The following TNXB variants were observed in gnomAD, a reference collection of about 807,000 sequenced individuals.
TNXB encodes the protein tenascin-X.
In TNXB, 183 loss-of-function variants were observed where a neutral mutation model predicts 340.5. The ratio of observed to expected loss-of-function variants is 0.54; its 90% confidence interval spans 0.48 to 0.61. TNXB has a LOEUF of 0.61. TNXB is among the 20% of genes least tolerant of loss of function. The pLI, the probability that TNXB is intolerant of heterozygous loss-of-function variation, is 0.00. For missense variants in TNXB, 4,613 were observed against 5,446.4 expected (o/e 0.85, Z 4.82); for synonymous variants, 2,121 against 2,314.5 (o/e 0.92, Z 2.40).
rs986487924 is a variant in TNXB, at chr6:32,074,161, C to A, written c.4376-209G>T. On this transcript the variant is annotated intron_variant, in intron 11 of 43. Transcript: ENST00000644971. This position sits in a 1 kb window ranked among gnomAD's most constrained non-coding sequence, Gnocchi z 5.5. Reference sequence around the variant, plus strand: ...CCTCCCAAGTAGCTGGGACTACAGGCGTGCGCCACCATGCCTGCCTAATTT... The same window carrying A: ...CCTCCCAAGTAGCTGGGACTACAGGAGTGCGCCACCATGCCTGCCTAATTT... Among the ~76,000 whole-genome samples the A allele has an allele frequency of 6.6e-6, 1 of 152,120 alleles. No individual in the cohort carries two copies. Among genetic ancestry groups the A allele is most frequent in the Non-Finnish European group, 1.5e-5 (1 of 68,006 alleles).
chr6:32,094,294 G>GA (rs772260386), intron 4 of TNXB, among the ~76,000 whole-genome samples: 118 of 140,962 alleles, frequency 8.4e-4, no homozygotes, highest in Admixed American at 1.4e-3. Context: ...ATATTTAGGT[G>GA]AAAAAAAAAA....
At position 32,073,238 on chromosome 6, in the gene TNXB, A is replaced by G. The variant is rs974497343; in HGVS notation, c.4681+409T>C. On this transcript the variant is annotated intron_variant, in intron 12 of 43. Coordinates refer to ENST00000644971, the MANE Select transcript of TNXB (RefSeq NM_001365276.2). The surrounding 1 kb of genome is among the most constrained non-coding windows in gnomAD (Gnocchi z 4.6). ...GCAGAGGACTCCTGAGAAGGGACTCAGGATGTAAAGCACTTCGCCTCAACA... is the reference window on the plus strand; with the variant it reads ...GCAGAGGACTCCTGAGAAGGGACTCGGGATGTAAAGCACTTCGCCTCAACA... 1.3e-5 allele frequency among the ~76,000 whole-genome samples: 2 copies of G among 152,154 alleles called. No homozygotes were observed. Among genetic ancestry groups the G allele is most frequent in the African/African-American group, 2.4e-5 (1 of 41,434 alleles).
chr6:32,101,309 A>G (rs939323628), intron 1 of TNXB, among the ~76,000 whole-genome samples: 2 of 151,902 alleles, frequency 1.3e-5, no homozygotes, highest in African/African-American at 4.8e-5. Context: ...TTTTTTGTAG[A>G]GATGGAGTCT....
At position 32,069,786 on chromosome 6, in the gene TNXB, G is replaced by T; in HGVS notation, c.5354C>A (p.Thr1785Asn). ...GCCCACGGAGTTCTGGGTCACGGTG[G>T]TCACCTGCAGCTCCTCCCCCAGACG... ...KPRLGEELQV[T>N]TVTQNSVGLS... The change falls in exon 15 of 44, where the codon ACC (threonine) becomes AAC (asparagine). Residue 1785 changes from threonine (T) to asparagine (N), a missense_variant. This residue lies in a region of TNXB where 4,327 missense variants were observed against 4,859.4 expected (regional missense o/e 0.89). Coordinates refer to ENST00000644971, the MANE Select transcript of TNXB (RefSeq NM_001365276.2). This position sits in a 1 kb window ranked among gnomAD's most constrained non-coding sequence, Gnocchi z 6.2. 1 of 1,610,316 alleles carries T rather than the reference G, an allele frequency of 6.2e-7. No homozygotes were observed.
At chr6:32,086,237 T>C in intron 6 of TNXB, 119 bp from the exon 7 acceptor site, 2 of 1,230,428 alleles carry the variant, frequency 1.6e-6, no homozygotes, top group Non-Finnish European at 2.2e-6. Context: ...CTACTTCTGG[T>C]TCCCTCACCT....
At position 32,047,058 on chromosome 6, in the gene TNXB, G is replaced by A. The variant is rs1582340305; in HGVS notation, c.10325-602C>T. ...ACAGGGGATTAGCTGGGAGAACAGAGGGCAGAGCAGAGGCTTGCCCGGGTG... is the reference window on the plus strand; with the variant it reads ...ACAGGGGATTAGCTGGGAGAACAGAAGGCAGAGCAGAGGCTTGCCCGGGTG... On this transcript the variant is annotated intron_variant, in intron 30 of 43. Transcript: ENST00000644971. The surrounding 1 kb of genome is among the most constrained non-coding windows in gnomAD (Gnocchi z 6.2). Among the ~76,000 whole-genome samples the A allele has an allele frequency of 6.6e-6, 1 of 152,312 alleles. No homozygotes were observed. The highest frequency in any genetic ancestry group is 1.9e-4 in the East Asian group (1 of 5,178).
rs1780472803 is a variant in TNXB at position 32,097,348 on chromosome 6, C to T, written c.505G>A (p.Asp169Asn). The change falls in exon 3 of 44, where the codon GAC (aspartate) becomes AAC (asparagine). Residue 169 changes from aspartate (D) to asparagine (N), a missense_variant. Physicochemically the swap from Asp to Asn is conservative, Grantham distance 23 (BLOSUM62 1). Around this residue, in one of 7 missense-constraint regions of TNXB, gnomAD observed 4,327 missense variants for 4,859.4 expected, o/e 0.89. Transcript: ENST00000644971. The surrounding 1 kb of genome is among the most constrained non-coding windows in gnomAD (Gnocchi z 5.9). ...EPGWGGPTCS[D>N]PTDAEIPPSS... The stretch of plus-strand genomic sequence containing the variant: ...GGAGGGATCTCAGCATCTGTGGGGT[C>T]TGAGCAGGTGGGCCCACCCCAGCCT... 6.2e-7 allele frequency: 1 copy of T among 1,613,102 alleles called. No homozygotes were observed. The highest frequency in any genetic ancestry group is 8.5e-7 in the Non-Finnish European group (1 of 1,179,874).
At position 32,108,451 on chromosome 6, in the gene TNXB, T is replaced by G. The variant is rs1416815206; in HGVS notation, c.-9+730A>C. Among the ~76,000 whole-genome samples, 1 of 152,076 alleles carries G rather than the reference T, an allele frequency of 6.6e-6. No homozygotes were observed. Among genetic ancestry groups the G allele is most frequent in the African/African-American group, 2.4e-5 (1 of 41,398 alleles). On this transcript the variant is annotated intron_variant, in intron 1 of 43. Coordinates refer to ENST00000644971, the MANE Select transcript of TNXB (RefSeq NM_001365276.2). This position sits in a 1 kb window ranked among gnomAD's most constrained non-coding sequence, Gnocchi z 4.8. ...GCACAGAGTGAAGACGGAGCCCCTG[T>G]GCCCCCAGAGGCATCTCTCAGCCAT...
In TNXB at chr6:32,074,784, G is replaced by A. The variant is rs1333269067; in HGVS notation, c.4376-832C>T. ...CAACCTACGCCTCCTGGGTTCAAGCGATTCTCCTGCCTTAGCCTCCTGAGT... is the reference window on the plus strand; with the variant it reads ...CAACCTACGCCTCCTGGGTTCAAGCAATTCTCCTGCCTTAGCCTCCTGAGT... On this transcript the variant is annotated intron_variant, in intron 11 of 43. Transcript: ENST00000644971. This position sits in a 1 kb window ranked among gnomAD's most constrained non-coding sequence, Gnocchi z 5.5. Among the ~76,000 whole-genome samples, 1 of 152,112 alleles carries A rather than the reference G, an allele frequency of 6.6e-6. No homozygotes were observed. The highest frequency in any genetic ancestry group is 1.9e-4 in the East Asian group (1 of 5,188).
At position 32,052,405 on chromosome 6, in the gene TNXB, T is replaced by C. The variant is rs1159539414; in HGVS notation, c.9115+265A>G. On this transcript the variant is annotated intron_variant, in intron 26 of 43. Transcript: ENST00000644971. The surrounding 1 kb of genome is among the most constrained non-coding windows in gnomAD (Gnocchi z 4.7). Reference sequence around the variant, plus strand: ...GGCGGAGGTTCCAGTGAGCCGAGATTGAGCCACTGTACTCCAGCCTGGGTG... The same window carrying C: ...GGCGGAGGTTCCAGTGAGCCGAGATCGAGCCACTGTACTCCAGCCTGGGTG... Among the ~76,000 whole-genome samples, 1 of 151,172 alleles carries C rather than the reference T, an allele frequency of 6.6e-6. No individual in the cohort carries two copies. Among genetic ancestry groups the C allele is most frequent in the Non-Finnish European group, 1.5e-5 (1 of 67,862 alleles).
In TNXB at chr6:32,058,403, A is replaced by G; in HGVS notation, c.7493-13T>C. Reference sequence around the variant, plus strand: ...TCCTCTTGTGGGGCTGAAAGGTAATATAGGGGGATACAGAGTTTAAGGGTT... The same window carrying G: ...TCCTCTTGTGGGGCTGAAAGGTAATGTAGGGGGATACAGAGTTTAAGGGTT... On this transcript the variant is annotated splice_polypyrimidine_tract_variant and intron_variant, in intron 21 of 43. Coordinates refer to ENST00000644971, the MANE Select transcript of TNXB (RefSeq NM_001365276.2). The surrounding 1 kb of genome is among the most constrained non-coding windows in gnomAD (Gnocchi z 5.1). The G allele has an allele frequency of 6.3e-7, 1 of 1,579,900 alleles. No homozygotes were observed. Among genetic ancestry groups the G allele is most frequent in the South Asian group, 1.1e-5 (1 of 87,296 alleles).
rs779535569 is a variant in TNXB at position 32,095,952 on chromosome 6, C to T, written c.1901G>A (p.Gly634Glu). 5 of 1,613,006 alleles carry T rather than the reference C, an allele frequency of 3.1e-6. No individual in the cohort carries two copies. The East Asian group carries it at 1.1e-4, about 36-fold the overall frequency. ...GTAGCCTGGGTCGCACAGGCAGCGCCCTTCCTCACAGCGGCCCCTCCCGTG... is the reference window on the plus strand; with the variant it reads ...GTAGCCTGGGTCGCACAGGCAGCGCTCTTCCTCACAGCGGCCCCTCCCGTG... ...NCHGRGRCEE[G>E]RCLCDPGYTG... is the part of the protein sequence containing the mutation. Residue 634 changes from glycine to glutamate, a missense_variant, in exon 3 of 44, where the codon GGG becomes GAG. Physicochemically the swap from Gly to Glu is moderately conservative, Grantham distance 98. Around this residue, in one of 7 missense-constraint regions of TNXB, gnomAD observed 4,327 missense variants for 4,859.4 expected, o/e 0.89. Transcript: ENST00000644971.
In TNXB at chr6:32,084,291, A is replaced by G; in HGVS notation, c.3445+122T>C. 3.1e-6 allele frequency: 3 copies of G among 979,076 alleles called. No homozygotes were observed. The highest frequency in any genetic ancestry group is 4.3e-6 in the Non-Finnish European group (3 of 694,184). The allele number at this position is 979,076 out of a possible 1,614,324, so 60.6% of individuals were successfully genotyped here. On this transcript the variant is annotated intron_variant, in intron 8 of 43. Transcript: ENST00000644971. This position sits in a 1 kb window ranked among gnomAD's most constrained non-coding sequence, Gnocchi z 5.5. ...GCCCCACCACTACTTTCCCTTCAGA[A>G]TTCAGCTCATGCACCACTGCCTCCA...
chr6:32,081,823 G>T lies in TNXB; in HGVS notation c.3737-150C>A. The T allele has an allele frequency of 1.4e-6, 1 of 697,732 alleles. No individual in the cohort carries two copies. Among genetic ancestry groups the T allele is most frequent in the East Asian group, 2.7e-5 (1 of 36,854 alleles). The allele number at this position is 697,732 out of a possible 1,614,324, so 43.2% of individuals were successfully genotyped here. On this transcript the variant is annotated intron_variant, in intron 9 of 43. Transcript: ENST00000644971. This position sits in a 1 kb window ranked among gnomAD's most constrained non-coding sequence, Gnocchi z 5.1. Reference sequence around the variant, plus strand: ...TTCTGGGAAGCCTGACACAGCCAGGGTATGACACACCTTCTGGGCCACGGG... The same window carrying T: ...TTCTGGGAAGCCTGACACAGCCAGGTTATGACACACCTTCTGGGCCACGGG...
At position 32,090,809 on chromosome 6, in the gene TNXB, TCCTTAC is replaced by T. The variant is rs1260648516; in HGVS notation, c.2359-1436_2359-1431del. Among the ~76,000 whole-genome samples the T allele has an allele frequency of 6.6e-6, 1 of 152,142 alleles. No homozygotes were observed. The highest frequency in any genetic ancestry group is 2.4e-5 in the African/African-American group (1 of 41,442). ...TGGCCTCAACTCAAGACCCATGAAA[TCCTTAC>T]CCTTCCCAGAATTTATTTGTTCATT... On this transcript the variant is annotated intron_variant, in intron 4 of 43. Coordinates refer to ENST00000644971, the MANE Select transcript of TNXB (RefSeq NM_001365276.2). This position sits in a 1 kb window ranked among gnomAD's most constrained non-coding sequence, Gnocchi z 4.3.
intron 1 of TNXB, among the ~76,000 whole-genome samples, chr6:32,102,668 T>G (rs950442738): frequency 6.6e-6 from 1 of 152,164 alleles, no homozygotes; most frequent in Admixed American, 6.5e-5. Context: ...ATGCCTGTAA[T>G]CCCGGCACTT....
rs151169511 is a variant in TNXB at position 32,075,533 on chromosome 6, G to A, written c.4376-1581C>T. On this transcript the variant is annotated intron_variant, in intron 11 of 43. Transcript: ENST00000644971. This position sits in a 1 kb window ranked among gnomAD's most constrained non-coding sequence, Gnocchi z 4.6. ...CCTCAGACACTGCCCTCGCAGTGAGGCCCTTGCTGTCTCCCTACTAGGCTC... is the reference window on the plus strand; with the variant it reads ...CCTCAGACACTGCCCTCGCAGTGAGACCCTTGCTGTCTCCCTACTAGGCTC... Among the ~76,000 whole-genome samples the A allele has an allele frequency of 0.013, 1,979 of 152,250 alleles. 36 individuals carry two copies. The highest frequency in any genetic ancestry group is 0.036 in the Admixed American group (553 of 15,290).
rs865835265 is a variant in TNXB at position 32,088,946 on chromosome 6, G to T, written c.2618C>A (p.Ser873Tyr). ...CCTCTGGTTGCCGGCACTGACGTAG[G>T]ACACCACAAATCGGTCCACCTCAGC... ...PQAEVDRFVVSYVSAGNQRVR... is the reference protein window; with the variant it reads ...PQAEVDRFVVYYVSAGNQRVR... Residue 873 changes from serine to tyrosine, a missense_variant, in exon 6 of 44, where the codon TCC (serine) becomes TAC (tyrosine). Ser to Tyr is a moderately radical substitution (Grantham distance 144, BLOSUM62 -2). Transcript: ENST00000644971. 1.2e-6 allele frequency: 2 copies of T among 1,607,914 alleles called. No individual in the cohort carries two copies. The highest frequency in any genetic ancestry group is 1.7e-6 in the Non-Finnish European group (2 of 1,177,468).
chr6:32,096,895 G>A lies in TNXB; in HGVS notation c.958C>T (p.Arg320Cys), dbSNP rs1160328418. The A allele has an allele frequency of 1.9e-6, 3 of 1,609,360 alleles. No homozygotes were observed. The highest frequency in any genetic ancestry group is 1.1e-5 in the South Asian group (1 of 90,118). ...CACACGCAGCGCCCGTCCTTGCAGC[G>A]TCCCCGCTGGCTGCAGCCCCGAGGG... is the stretch of plus-strand genomic sequence containing the variant. The part of the protein sequence containing the change: ...SCPRGCSQRG[R>C]CKDGRCVCDP... The change falls in exon 3 of 44, where the codon CGC (arginine) becomes TGC (cysteine). Residue 320 changes from arginine (R) to cysteine (C), a missense_variant. Transcript: ENST00000644971.
Sources: gnomAD v4.1 joint callset for allele counts (sites outside exome capture counted in the v4.1 genomes callset) on GRCh38, gnomAD v4.1.1 for gene constraint, gnomAD v4.1.1 regional missense constraint, Gnocchi (gnomAD v3.1) non-coding constraint, MANE v1.5 for transcripts, NCBI Gene and HGNC (gene_info 2026-07-23, HGNC 2026-07-21) for gene names.